SMAP2: variants seen among roughly 807,000 people sequenced by gnomAD.
The protein encoded by SMAP2 is small ArfGAP2, also known as stromal membrane-associated protein 2.
In SMAP2, 25 loss-of-function variants were observed where a neutral mutation model predicts 56.4. The observed-to-expected ratio is 0.44, with a 90% CI of 0.32 to 0.62. SMAP2 has a LOEUF of 0.62. Ranked by LOEUF, SMAP2 falls within the 20% of genes least tolerant of loss-of-function variation. The pLI, the probability that SMAP2 is intolerant of heterozygous loss-of-function variation, is 0.04. For synonymous variants in SMAP2, 157 were observed against 181.7 expected (o/e 0.86, Z 1.09); for missense variants, 388 against 545.6 (o/e 0.71, Z 2.88).
chr1:40,421,947 G>T (rs760206001), intron 9 of SMAP2, 29 bp from the exon 10 acceptor site: 1 of 1,613,690 alleles, frequency 6.2e-7, no homozygotes, highest in Non-Finnish European at 8.5e-7. Context: ...CCCACAGCCT[G>T]GTCTGAAAGT....
At chr1:40,382,936 C>G (rs963380896) in intron 1 of SMAP2, among the ~76,000 whole-genome samples, 1 of 152,082 alleles carries the variant, frequency 6.6e-6, no homozygotes, top group Admixed American at 6.5e-5. Flanking sequence ...TCTAGGTTAT[C>G]TGAATAATTG....
chr1:40,387,872 C>T (rs906515251), intron 1 of SMAP2, among the ~76,000 whole-genome samples: 2 of 148,304 alleles, frequency 1.3e-5, no homozygotes, highest in African/African-American at 2.5e-5. Context: ...CTCCGGGAAC[C>T]GGGGCTGTGT....
chr1:40,418,633 G>A (rs973506058), intron 9 of SMAP2, among the ~76,000 whole-genome samples: 2 of 152,204 alleles, frequency 1.3e-5, no homozygotes, highest in South Asian at 2.1e-4. Context: ...ATGTTTAGGG[G>A]TCCAACCTTT....
At chr1:40,400,325 A>G (rs902822169) in intron 1 of SMAP2, among the ~76,000 whole-genome samples, 1 of 152,260 alleles carries the variant, frequency 6.6e-6, no homozygotes, top group African/African-American at 2.4e-5. Flanking sequence ...TTAATCCAAT[A>G]GTAATAGAAG....
rs866059212 is a variant in SMAP2, at chr1:40,363,526, G to A, written c.55+1090G>A. 3.9e-5 allele frequency among the ~76,000 whole-genome samples: 6 copies of A among 151,966 alleles called. No individual in the cohort carries two copies. The East Asian group carries it at 5.8e-4, about 15-fold the overall frequency. On this transcript the variant is annotated intron_variant, in intron 2 of 6. Coordinates refer to the SMAP2 transcript ENST00000435168. ...CTTAAAAAAAAAAATCTAATATCTAGGAAGGCAGAGCAAGATGGCCAAAAA... is the reference window on the plus strand; with the variant it reads ...CTTAAAAAAAAAAATCTAATATCTAAGAAGGCAGAGCAAGATGGCCAAAAA...
chr1:40,402,620 T>G (rs868732333), intron 1 of SMAP2, among the ~76,000 whole-genome samples: 8 of 152,270 alleles, frequency 5.3e-5, no homozygotes, highest in Middle Eastern at 6.8e-3. Context: ...TGGCTAATTT[T>G]TTGTATTTTT....
chr1:40,384,807 A>G (rs1644637290), intron 1 of SMAP2, among the ~76,000 whole-genome samples: 1 of 152,214 alleles, frequency 6.6e-6, no homozygotes, highest in South Asian at 2.1e-4. Flanking sequence ...GGGATTTGAA[A>G]AAGCATATCA....
At chr1:40,380,267 AT>A (rs1034444286) in intron 1 of SMAP2, among the ~76,000 whole-genome samples, 2 of 152,124 alleles carry the variant, frequency 1.3e-5, no homozygotes, top group Non-Finnish European at 2.9e-5. Flanking sequence ...GAGTTCTGGC[AT>A]TTTTGCAAAT....
chr1:40,357,188 CT>C (rs972273114), intron 1 of SMAP2, among the ~76,000 whole-genome samples: 1 of 146,732 alleles, frequency 6.8e-6, no homozygotes, highest in Non-Finnish European at 1.5e-5. Flanking sequence ...TCCATTTTTG[CT>C]TTGGTTTCCT....
chr1:40,357,524 T>A (rs770654815), intron 1 of SMAP2, among the ~76,000 whole-genome samples: 10 of 152,102 alleles, frequency 6.6e-5, no homozygotes, highest in Non-Finnish European at 1.3e-4. Context: ...CCCAGAGAGT[T>A]TCCTCAGTGT....
At chr1:40,383,359 A>T (rs1644618201) in intron 1 of SMAP2, among the ~76,000 whole-genome samples, 1 of 152,148 alleles carries the variant, frequency 6.6e-6, no homozygotes, top group Non-Finnish European at 1.5e-5. Context: ...CCATTGATGG[A>T]ACTTATCCTG....
intron 9 of SMAP2, among the ~76,000 whole-genome samples, chr1:40,419,097 A>C (rs1387398793): frequency 6.6e-6 from 1 of 152,330 alleles, no homozygotes; most frequent in East Asian, 1.9e-4. Flanking sequence ...GAAAAGTTGA[A>C]TAATAAATAT....
chr1:40,347,240 GTT>G (rs200888686), intron 1 of SMAP2, among the ~76,000 whole-genome samples: 2 of 88,386 alleles, frequency 2.3e-5, no homozygotes, highest in Admixed American at 2.5e-4. Context: ...GTGTGTGTGT[GTT>G]TTGTTTTTGT....
At chr1:40,345,966 CTTTTTTTTTTTT>C (rs71060369) in intron 1 of SMAP2, among the ~76,000 whole-genome samples, 5 of 35,296 alleles carry the variant, frequency 1.4e-4, no homozygotes, top group Admixed American at 6.8e-4. Context: ...ATTTCTATCA[CTTTTTTTTTTTT>C]TTTTTTTTTT....
At chr1:40,349,402 C>T (rs1014986213) in intron 1 of SMAP2, among the ~76,000 whole-genome samples, 19 of 152,254 alleles carry the variant, frequency 1.2e-4, no homozygotes, top group East Asian at 7.7e-4. Flanking sequence ...GAGGAAACTG[C>T]GGCACATAGA....
intron 9 of SMAP2, among the ~76,000 whole-genome samples, chr1:40,418,985 TTTAA>T (rs1645016154): frequency 6.6e-6 from 1 of 152,198 alleles, no homozygotes; most frequent in Non-Finnish European, 1.5e-5. Flanking sequence ...GAATTGAATG[TTTAA>T]TTGAGAATCT....
At chr1:40,404,724 A>C (rs920902269) in intron 1 of SMAP2, among the ~76,000 whole-genome samples, 3 of 152,226 alleles carry the variant, frequency 2.0e-5, no homozygotes, top group African/African-American at 7.2e-5. Flanking sequence ...TGCCATTTTA[A>C]ATCTTATATA....
chr1:40,390,122 C>T (rs1441934237), intron 1 of SMAP2, among the ~76,000 whole-genome samples: 1 of 152,162 alleles, frequency 6.6e-6, no homozygotes, highest in Non-Finnish European at 1.5e-5. Context: ...CCATCTTTTG[C>T]TCTCCTCCCT....
chr1:40,420,579 A>T (rs1297275202), intron 9 of SMAP2, among the ~76,000 whole-genome samples: 1 of 152,250 alleles, frequency 6.6e-6, no homozygotes, highest in Non-Finnish European at 1.5e-5. Context: ...AATGCCCTTC[A>T]GATTATTTAT....
Sources: allele counts gnomAD v4.1 joint callset (sites outside exome capture counted in the v4.1 genomes callset), GRCh38; gene constraint gnomAD v4.1.1; transcripts MANE v1.5; gene names NCBI Gene and HGNC (gene_info 2026-07-23, HGNC 2026-07-21).